ZNF280D: variants seen among roughly 807,000 people sequenced by gnomAD.
ZNF280D encodes suppressor of hairy wing homolog 4.
Under a neutral mutation model 94.7 loss-of-function variants are expected in ZNF280D, and 39 were observed. The observed-to-expected ratio is 0.41, with a 90% CI of 0.32 to 0.54. ZNF280D has a LOEUF of 0.54. Ranked by LOEUF, ZNF280D falls within the 20% of genes least tolerant of loss-of-function variation. ZNF280D has a pLI of 0.22. For missense variants in ZNF280D, 1,090 were observed against 1,149.3 expected, an observed-to-expected ratio of 0.95 and a Z score of 0.75; for synonymous variants, 398 against 377.6, an observed-to-expected ratio of 1.05 and a Z score of -0.63.
At chr15:56,679,922 T>G (rs1423180473) in intron 10 of ZNF280D, among the ~76,000 whole-genome samples, 1 of 152,230 alleles carries the variant, frequency 6.6e-6, no homozygotes, top group Non-Finnish European at 1.5e-5. Context: ...TTGTTAAATA[T>G]TTACGTTTAG....
At chr15:56,706,984 G>T in intron 3 of ZNF280D, 98 bp downstream of exon 3, 1 of 1,217,140 alleles carries the variant, frequency 8.2e-7, no homozygotes, top group Non-Finnish European at 1.2e-6. Flanking sequence ...AAGCATTTTT[G>T]TTTTTTAAAA....
intron 1 of ZNF280D, among the ~76,000 whole-genome samples, chr15:56,715,019 G>C (rs985521958): frequency 6.6e-6 from 1 of 152,032 alleles, no homozygotes; most frequent in African/African-American, 2.4e-5. Flanking sequence ...AAAACTAAAA[G>C]TGGTACAGCA....
chr15:56,656,344 A>G (rs1345102699), intron 17 of ZNF280D, among the ~76,000 whole-genome samples: 1 of 152,204 alleles, frequency 6.6e-6, no homozygotes, highest in East Asian at 1.9e-4. Flanking sequence ...AAATTGAACA[A>G]TTTTCAATTT....
chr15:56,681,058 T>G (rs2055584314), intron 10 of ZNF280D, among the ~76,000 whole-genome samples: 1 of 152,170 alleles, frequency 6.6e-6, no homozygotes, highest in Admixed American at 6.6e-5. Flanking sequence ...CCTTAAAGTT[T>G]GATAAGAGGA....
At chr15:56,682,545 G>C in intron 9 of ZNF280D, 68 bp from the exon 10 acceptor site, 2 of 1,003,990 alleles carry the variant, frequency 2.0e-6, no homozygotes, top group Non-Finnish European at 2.8e-6. Context: ...ATACCAAAAA[G>C]TGATTGTGTG....
In ZNF280D at chr15:56,640,312, C is replaced by T. The variant is rs1423917546; in HGVS notation, c.2259+2640G>A. Among the ~76,000 whole-genome samples, 4 of 151,940 alleles carry T rather than the reference C, an allele frequency of 2.6e-5. No individual in the cohort carries two copies. In the East Asian group the frequency reaches 7.7e-4, roughly 29 times the overall value. On this transcript the variant is annotated intron_variant, in intron 20 of 21. Transcript: ENST00000267807. ...TTGTTTTGTTTTTTGTTTTTAGCAA[C>T]AGGGTCTCACTTTGTTTCCCAGGCT...
At chr15:56,711,088 A>G (rs1359360769) in intron 1 of ZNF280D, among the ~76,000 whole-genome samples, 3 of 152,202 alleles carry the variant, frequency 2.0e-5, no homozygotes, top group Non-Finnish European at 2.9e-5. Context: ...GTAACCATGA[A>G]GAGTAAAACA....
chr15:56,644,280 A>C (rs2052771890), intron 19 of ZNF280D, among the ~76,000 whole-genome samples: 2 of 152,068 alleles, frequency 1.3e-5, no homozygotes, highest in Admixed American at 1.3e-4. Context: ...TAATTGTCTC[A>C]AGTATTTAAT....
At chr15:56,653,415 G>A in intron 19 of ZNF280D, 2 of 1,393,278 alleles carry the variant, frequency 1.4e-6, no homozygotes, top group South Asian at 1.7e-5. Flanking sequence ...TGGGAGGCCA[G>A]CCATGTAGAA....
rs566946616 is a variant in ZNF280D, at chr15:56,711,431, G to A, written c.-85-4125C>T. Among the ~76,000 whole-genome samples the A allele has an allele frequency of 8.9e-4, 135 of 152,154 alleles. 1 individual carries two copies. The highest frequency in any genetic ancestry group is 6.7e-3 in the Admixed American group (103 of 15,282). On this transcript the variant is annotated intron_variant, in intron 1 of 21. Transcript: ENST00000267807. The stretch of plus-strand genomic sequence containing the variant: ...TATAATTCCAGCACTTTGGGAGGCC[G>A]AGGCAGGTGGATCACTTGAGGTCAG...
chr15:56,710,455 T>C (rs1246906654), intron 1 of ZNF280D, among the ~76,000 whole-genome samples: 2 of 150,902 alleles, frequency 1.3e-5, no homozygotes, highest in Admixed American at 6.6e-5. Context: ...AAGAGGACTC[T>C]CAACTTCAAC....
chr15:56,642,725 G>A (rs2052688098), intron 20 of ZNF280D, among the ~76,000 whole-genome samples: 1 of 151,664 alleles, frequency 6.6e-6, no homozygotes, highest in African/African-American at 2.4e-5. Context: ...TAACAGGCAA[G>A]TGAAATATAA....
At chr15:56,652,918 A>G in intron 19 of ZNF280D, 1 of 970,378 alleles carries the variant, frequency 1.0e-6, no homozygotes, top group Non-Finnish European at 1.2e-6. Context: ...AGTTCTTAAA[A>G]CAAACACTAA....
intron 20 of ZNF280D, among the ~76,000 whole-genome samples, chr15:56,637,992 C>T (rs1418234326): frequency 6.6e-6 from 1 of 152,070 alleles, no homozygotes; most frequent in Non-Finnish European, 1.5e-5. Flanking sequence ...TGTACTTAAC[C>T]ACATTTTTTT....
At chr15:56,670,442 G>A (rs1410000714) in intron 13 of ZNF280D, among the ~76,000 whole-genome samples, 4 of 151,566 alleles carry the variant, frequency 2.6e-5, no homozygotes, top group Non-Finnish European at 4.4e-5. Flanking sequence ...GAGAAAACAC[G>A]GTATTTTTCT....
intron 3 of ZNF280D, among the ~76,000 whole-genome samples, chr15:56,704,807 C>T (rs1482414414): frequency 1.3e-5 from 2 of 151,920 alleles, no homozygotes; most frequent in African/African-American, 4.8e-5. Context: ...ATGGTGAAAC[C>T]CCATCTCTAT....
intron 7 of ZNF280D, among the ~76,000 whole-genome samples, chr15:56,692,753 A>G (rs2056497803): frequency 6.6e-6 from 1 of 152,134 alleles, no homozygotes; most frequent in South Asian, 2.1e-4. Context: ...ACTAGTGTCC[A>G]TAGAAACTAA....
In ZNF280D at chr15:56,682,484, G is replaced by C; in HGVS notation, c.781-7C>G. ...TCATGTCTGGACAACAATACTGAAAGAGAAAAAAAAAAAAAAAAAACAAGC... is the reference window on the plus strand; with the variant it reads ...TCATGTCTGGACAACAATACTGAAACAGAAAAAAAAAAAAAAAAAACAAGC... On this transcript the variant is annotated splice_polypyrimidine_tract_variant and splice_region_variant and intron_variant, in intron 9 of 21. Coordinates refer to ENST00000267807, the MANE Select transcript of ZNF280D (RefSeq NM_017661.4). 1.2e-4 allele frequency: 49 copies of C among 400,456 alleles called. No homozygotes were observed. The highest frequency in any genetic ancestry group is 1.6e-4 in the Non-Finnish European group (45 of 279,096). The allele number at this position is 400,456 out of a possible 1,614,324, so 24.8% of individuals were successfully genotyped here.
intron 13 of ZNF280D, among the ~76,000 whole-genome samples, chr15:56,676,229 G>A (rs2055222577): frequency 6.6e-6 from 1 of 152,062 alleles, no homozygotes; most frequent in African/African-American, 2.4e-5. Context: ...ATGATAAGGG[G>A]TTAGAAAGTT....
Sources: allele counts gnomAD v4.1 joint callset (sites outside exome capture counted in the v4.1 genomes callset), GRCh38; gene constraint gnomAD v4.1.1; transcripts MANE v1.5; gene names NCBI Gene and HGNC (gene_info 2026-07-23, HGNC 2026-07-21).